MAP6: variants seen among roughly 807,000 people sequenced by gnomAD.
The protein encoded by MAP6 is microtubule-associated protein 6.
A neutral mutation model predicts 42.4 loss-of-function variants in MAP6; 26 were observed. The observed-to-expected ratio is 0.61, with a 90% CI of 0.45 to 0.85. The LOEUF is 0.85. MAP6 is among the 40% of genes least tolerant of loss of function. The pLI, the probability that MAP6 is intolerant of heterozygous loss-of-function variation, is 0.00. For missense variants in MAP6, 966 were observed against 1,099.0 expected (o/e 0.88, Z 1.71); for synonymous variants, 418 against 443.8 (o/e 0.94, Z 0.73).
At chr11:75,604,355 A>G (rs1207447944) in intron 3 of MAP6, 2 of 985,378 alleles carry the variant, frequency 2.0e-6, no homozygotes, top group Non-Finnish European at 2.4e-6. Context: ...TCCAAACCAG[A>G]AGGACCTAAA....
chr11:75,598,516 C>A (rs972654292), intron 3 of MAP6, among the ~76,000 whole-genome samples: 19 of 152,180 alleles, frequency 1.2e-4, no homozygotes, highest in African/African-American at 4.3e-4. Flanking sequence ...TGAACAGAGG[C>A]CAGCCAGTAT....
intron 1 of MAP6, among the ~76,000 whole-genome samples, chr11:75,619,637 T>C: frequency 6.6e-6 from 1 of 152,176 alleles, no homozygotes; most frequent in East Asian, 1.9e-4. Context: ...GTTAGTTTGC[T>C]AAGGATAATG....
Position 75,651,984 on chromosome 11 carries a change from T to C in MAP6, c.905+15481A>G, listed in dbSNP as rs540017543. ...TAAGAAAGGTTTTTGTAGATGAATG[T>C]TTGCAATCAACCTGATGAAAGGGAA... On this transcript the variant is annotated intron_variant, in intron 1 of 3. Coordinates refer to ENST00000304771, the MANE Select transcript of MAP6 (RefSeq NM_033063.2). 1.6e-4 allele frequency among the ~76,000 whole-genome samples: 24 copies of C among 152,274 alleles called. No homozygotes were observed. The East Asian group carries it at 4.1e-3, about 26-fold the overall frequency.
intron 1 of MAP6, among the ~76,000 whole-genome samples, chr11:75,654,292 C>T (rs571662863): frequency 3.3e-5 from 5 of 152,140 alleles, no homozygotes; most frequent in African/African-American, 7.2e-5. Flanking sequence ...CTTTTAAGTG[C>T]CCTTCTGAAT....
intron 1 of MAP6, among the ~76,000 whole-genome samples, chr11:75,640,947 C>G (rs1344989619): frequency 2.6e-5 from 4 of 152,016 alleles, no homozygotes; most frequent in Non-Finnish European, 5.9e-5. Flanking sequence ...GGATCTAGAA[C>G]TAGAAATACC....
intron 1 of MAP6, among the ~76,000 whole-genome samples, chr11:75,640,219 A>C (rs1322000502): frequency 6.9e-6 from 1 of 144,388 alleles, no homozygotes; most frequent in Non-Finnish European, 1.5e-5. Flanking sequence ...ACACACATAC[A>C]CACACACTCT....
intron 1 of MAP6, among the ~76,000 whole-genome samples, chr11:75,637,992 A>C (rs1275674812): frequency 6.6e-6 from 1 of 152,214 alleles, no homozygotes; most frequent in Non-Finnish European, 1.5e-5. Context: ...GAAAAACTGA[A>C]AACAAGTGAA....
At chr11:75,612,833 G>T (rs1565261440) in intron 1 of MAP6, among the ~76,000 whole-genome samples, 1 of 152,112 alleles carries the variant, frequency 6.6e-6, no homozygotes, top group Non-Finnish European at 1.5e-5. Context: ...CCTCTCCTGG[G>T]TTACTCAACC....
intron 1 of MAP6, among the ~76,000 whole-genome samples, chr11:75,630,918 G>A (rs151073203): frequency 6.6e-6 from 1 of 152,330 alleles, no homozygotes; most frequent in East Asian, 1.9e-4. Flanking sequence ...TACCCTTGTG[G>A]TGAAGCCCTG....
intron 1 of MAP6, among the ~76,000 whole-genome samples, chr11:75,654,921 C>T (rs1943716231): frequency 6.6e-6 from 1 of 152,202 alleles, no homozygotes; most frequent in African/African-American, 2.4e-5. Flanking sequence ...GGGCACCTCC[C>T]AGGACTCATA....
intron 3 of MAP6, among the ~76,000 whole-genome samples, chr11:75,590,245 T>G (rs1337576901): frequency 6.6e-6 from 1 of 152,134 alleles, no homozygotes; most frequent in African/African-American, 2.4e-5. Context: ...ATTAGGTGTA[T>G]TCTCTTAGAT....
intron 1 of MAP6, among the ~76,000 whole-genome samples, chr11:75,651,498 C>A (rs953997786): frequency 7.2e-5 from 11 of 152,076 alleles, no homozygotes; most frequent in African/African-American, 2.4e-4. Context: ...CACTGTATAC[C>A]TTTTAATACC....
Position 75,588,381 on chromosome 11 carries a change from C to T in MAP6, c.1317-197G>A, listed in dbSNP as rs115798317. ...GAGGGAGGGGGGTGAGGTGAAGGCT[C>T]AGGAATCAGTCATTCAATGTGCTTG... On this transcript the variant is annotated intron_variant, in intron 3 of 3. Transcript: ENST00000304771. Among the ~76,000 whole-genome samples the T allele has an allele frequency of 5.6e-3, 846 of 152,082 alleles. 7 individuals are homozygous for T. Among genetic ancestry groups the T allele is most frequent in the African/African-American group, 0.019 (807 of 41,474 alleles).
intron 3 of MAP6, among the ~76,000 whole-genome samples, chr11:75,591,259 T>G (rs1222270371): frequency 1.3e-5 from 2 of 152,230 alleles, no homozygotes; most frequent in Admixed American, 6.5e-5. Flanking sequence ...ATATTTAGGG[T>G]AATTGAATTA....
chr11:75,622,827 A>C (rs1290421350), intron 1 of MAP6, among the ~76,000 whole-genome samples: 1 of 152,230 alleles, frequency 6.6e-6, no homozygotes, highest in East Asian at 1.9e-4. Context: ...AGATCTTTGC[A>C]TACAGAAGTG....
At chr11:75,595,752 TATCAG>T (rs1340655793) in intron 3 of MAP6, among the ~76,000 whole-genome samples, 5 of 58,662 alleles carry the variant, frequency 8.5e-5, no homozygotes, top group African/African-American at 3.5e-4. Flanking sequence ...GCAGCAGCCC[TATCAG>T]ATCAGCTTCA....
intron 2 of MAP6, chr11:75,607,558 T>C (rs1942802762): frequency 2.0e-6 from 2 of 985,328 alleles, no homozygotes; most frequent in Non-Finnish European, 2.4e-6. Context: ...ACATATATTA[T>C]AGCTGATGTG....
chr11:75,643,735 C>A (rs1943512724), intron 1 of MAP6, among the ~76,000 whole-genome samples: 1 of 152,202 alleles, frequency 6.6e-6, no homozygotes, highest in Admixed American at 6.5e-5. Flanking sequence ...GCTTTACACA[C>A]ATTAACTCAT....
chr11:75,597,184 C>T (rs1290092378), intron 3 of MAP6: 1 of 152,248 alleles, frequency 6.6e-6, no homozygotes, highest in East Asian at 1.9e-4. Context: ...TGTGGCAACT[C>T]TGCATTTTAC....
Sources: gnomAD v4.1 joint callset for allele counts (sites outside exome capture counted in the v4.1 genomes callset) on GRCh38, gnomAD v4.1.1 for gene constraint, MANE v1.5 for transcripts, NCBI Gene and HGNC (gene_info 2026-07-23, HGNC 2026-07-21) for gene names.